POU6F2: variants seen among roughly 807,000 people sequenced by gnomAD.
POU6F2 encodes POU class 6 homeobox 2.
In POU6F2, 31 loss-of-function variants were observed where a neutral mutation model predicts 71.3. That is an observed-to-expected ratio of 0.43 (90% CI 0.33 to 0.59). The LOEUF (loss-of-function observed/expected upper bound fraction) is 0.59. Ranked by LOEUF, POU6F2 falls within the 20% of genes least tolerant of loss-of-function variation. POU6F2 has a pLI of 0.04. For synonymous variants in POU6F2, 347 were observed against 355.7 expected (o/e 0.98, Z 0.27); for missense variants, 783 against 856.8 (o/e 0.91, Z 1.07).
At chr7:39,259,741 T>A (rs951072756) in intron 4 of POU6F2, among the ~76,000 whole-genome samples, 1 of 152,072 alleles carries the variant, frequency 6.6e-6, no homozygotes, top group African/African-American at 2.4e-5. Flanking sequence ...TCTGCTGGCC[T>A]CCTCGTCCTC....
At chr7:39,379,831 C>T (rs1786791888) in intron 5 of POU6F2, among the ~76,000 whole-genome samples, 1 of 152,178 alleles carries the variant, frequency 6.6e-6, no homozygotes, top group African/African-American at 2.4e-5. Context: ...GAGGATATTC[C>T]TTCTCAAAAT....
At chr7:39,253,212 G>A (rs1169810395) in intron 4 of POU6F2, among the ~76,000 whole-genome samples, 1 of 152,236 alleles carries the variant, frequency 6.6e-6, no homozygotes, top group Admixed American at 6.5e-5. Context: ...TACATGGAAG[G>A]GTGGTTTGGA....
At chr7:39,017,312 T>C (rs909621813) in intron 1 of POU6F2, among the ~76,000 whole-genome samples, 2 of 152,232 alleles carry the variant, frequency 1.3e-5, no homozygotes, top group Non-Finnish European at 2.9e-5. Flanking sequence ...GAACATGTTA[T>C]GTAGATTTGT....
intron 4 of POU6F2, among the ~76,000 whole-genome samples, chr7:39,250,526 C>T (rs994173428): frequency 6.6e-6 from 1 of 152,134 alleles, no homozygotes; most frequent in African/African-American, 2.4e-5. Flanking sequence ...TGTTTGAGAT[C>T]TCCTTATTCA....
intron 2 of POU6F2, among the ~76,000 whole-genome samples, chr7:39,194,362 C>T (rs1332836044): frequency 1.3e-5 from 2 of 152,202 alleles, no homozygotes; most frequent in Non-Finnish European, 2.9e-5. Flanking sequence ...TTAAAAATGT[C>T]TTGTTTGATC....
At chr7:39,012,525 A>C (rs371927690) in intron 1 of POU6F2, among the ~76,000 whole-genome samples, 1 of 151,608 alleles carries the variant, frequency 6.6e-6, no homozygotes, top group South Asian at 2.1e-4. Context: ...CTCTCAGCTC[A>C]TCAAAGTCAT....
At position 39,252,289 on chromosome 7, in the gene POU6F2, C is replaced by T. The variant is rs561867863; in HGVS notation, c.598+44669C>T. 2.0e-5 allele frequency among the ~76,000 whole-genome samples: 3 copies of T among 151,630 alleles called. No individual in the cohort carries two copies. In the East Asian group the frequency reaches 5.9e-4, roughly 30 times the overall value. Reference sequence around the variant, plus strand: ...CCTTCCAACTGAGCCAAAGAGGACCCCGAAGATGTTGGGATAATCCTACAA... The same window carrying T: ...CCTTCCAACTGAGCCAAAGAGGACCTCGAAGATGTTGGGATAATCCTACAA... On this transcript the variant is annotated intron_variant, in intron 4 of 9. Transcript: ENST00000518318.
Position 39,419,174 on chromosome 7 carries a change from T to G in POU6F2, c.1113+12434T>G, listed in dbSNP as rs139379351. ...ATATGTGTATATATACACATATATA[T>G]ACGTATATATGTATATATTTTTTAA... On this transcript the variant is annotated intron_variant, in intron 6 of 9. Transcript: ENST00000518318. 5.0e-5 allele frequency among the ~76,000 whole-genome samples: 7 copies of G among 139,740 alleles called. No individual in the cohort carries two copies. In the East Asian group the frequency reaches 1.6e-3, roughly 32 times the overall value. 91.7% of individuals were successfully genotyped at this position (139,740 alleles called of 152,430 possible). A position where few individuals can be genotyped will look rare whatever the true frequency, so the allele number is the denominator to read the frequency against.
At chr7:39,070,921 G>C (rs1189267085) in intron 1 of POU6F2, among the ~76,000 whole-genome samples, 1 of 152,144 alleles carries the variant, frequency 6.6e-6, no homozygotes, top group East Asian at 1.9e-4. Context: ...TGTTCAATGA[G>C]GTGTTCCCAT....
chr7:39,335,977 T>C (rs941034377), intron 4 of POU6F2, among the ~76,000 whole-genome samples: 1 of 152,180 alleles, frequency 6.6e-6, no homozygotes, highest in Non-Finnish European at 1.5e-5. Flanking sequence ...CAGCCCTTGC[T>C]GGTGGCTGCC....
intron 2 of POU6F2, among the ~76,000 whole-genome samples, chr7:39,149,929 A>C (rs867975480): frequency 2.1e-5 from 3 of 144,884 alleles, no homozygotes; most frequent in South Asian, 4.3e-4. Context: ...TCTGTCGCCC[A>C]GGCTGGAGTG....
At chr7:39,447,439 CTT>C (rs1788551809) in intron 7 of POU6F2, among the ~76,000 whole-genome samples, 1 of 152,144 alleles carries the variant, frequency 6.6e-6, no homozygotes, top group Non-Finnish European at 1.5e-5. Flanking sequence ...AGTGCTGGCT[CTT>C]GAGTCAGACT....
At chr7:39,415,662 T>C (rs1787657703) in intron 6 of POU6F2, among the ~76,000 whole-genome samples, 1 of 152,234 alleles carries the variant, frequency 6.6e-6, no homozygotes, top group Non-Finnish European at 1.5e-5. Flanking sequence ...TTTAACTGGC[T>C]TAATTCTTAG....
chr7:39,207,979 G>C, intron 4 of POU6F2, among the ~76,000 whole-genome samples: 1 of 152,218 alleles, frequency 6.6e-6, no homozygotes, highest in East Asian at 1.9e-4. Context: ...TTTAGCCATG[G>C]GTAAAGAAAA....
chr7:39,338,490 G>A (rs557585195), intron 4 of POU6F2, among the ~76,000 whole-genome samples: 1 of 152,300 alleles, frequency 6.6e-6, no homozygotes, highest in South Asian at 2.1e-4. Flanking sequence ...CAGTGGCTCA[G>A]TGAGGACTTG....
chr7:39,406,464 C>T (rs1394741426), intron 5 of POU6F2, 136 bp from the exon 6 acceptor site: 12 of 970,310 alleles, frequency 1.2e-5, no homozygotes, highest in East Asian at 2.5e-5. Flanking sequence ...ATGTTCGCCA[C>T]GCCCCTCCGG....
chr7:39,061,413 A>G (rs977069566), intron 1 of POU6F2, among the ~76,000 whole-genome samples: 1 of 152,208 alleles, frequency 6.6e-6, no homozygotes, highest in Non-Finnish European at 1.5e-5. Flanking sequence ...TTAGTTTCAA[A>G]GTAGAATTAA....
chr7:39,405,773 T>C (rs1562818068), intron 5 of POU6F2, among the ~76,000 whole-genome samples: 1 of 152,318 alleles, frequency 6.6e-6, no homozygotes, highest in African/African-American at 2.4e-5. Context: ...GAATATTGAA[T>C]TGGTCTCCAT....
At chr7:39,271,737 T>A (rs567900319) in intron 4 of POU6F2, among the ~76,000 whole-genome samples, 68 of 152,278 alleles carry the variant, frequency 4.5e-4, no homozygotes, top group Non-Finnish European at 8.8e-4. Context: ...TTTCAAACAT[T>A]ATCTCTGCCA....
Sources: allele counts gnomAD v4.1 joint callset (sites outside exome capture counted in the v4.1 genomes callset), GRCh38; gene constraint gnomAD v4.1.1; transcripts MANE v1.5; gene names NCBI Gene and HGNC (gene_info 2026-07-23, HGNC 2026-07-21).